PPP2R2A: variants seen among roughly 807,000 people sequenced by gnomAD.
The protein encoded by PPP2R2A is serine/threonine-protein phosphatase 2A 55 kDa regulatory subunit B alpha isoform.
A neutral mutation model predicts 53.2 loss-of-function variants in PPP2R2A; 9 were observed. That is an observed-to-expected ratio of 0.17 (90% confidence interval 0.10 to 0.30). PPP2R2A has a LOEUF of 0.30. Among genes scored for constraint, PPP2R2A ranks in the 10% least tolerant of loss-of-function variants. The pLI is 1.00. For synonymous variants in PPP2R2A, 169 were observed against 174.2 expected, an observed-to-expected ratio of 0.97 and a Z score of 0.23; for missense variants, 235 against 534.6, an observed-to-expected ratio of 0.44 and a Z score of 5.53.
intron 2 of PPP2R2A, among the ~76,000 whole-genome samples, chr8:26,327,716 A>G (rs1420416521): frequency 6.6e-6 from 1 of 152,128 alleles, no homozygotes; most frequent in Non-Finnish European, 1.5e-5. Context: ...TTATCCAGTA[A>G]AATGTTCTCT....
At chr8:26,294,941 A>G (rs1801480064) in intron 2 of PPP2R2A, among the ~76,000 whole-genome samples, 1 of 152,232 alleles carries the variant, frequency 6.6e-6, no homozygotes. Context: ...ACTGATGGTC[A>G]TGCACATAGT....
Position 26,362,950 on chromosome 8 carries a change from C to A in PPP2R2A, c.802+102C>A. ...AATTACAGAGGTTCAAAGTCTTAAA[C>A]CCGTGTGTCCAGAGCCACTTGTACC... On this transcript the variant is annotated intron_variant, in intron 7 of 9. Coordinates refer to ENST00000380737, the MANE Select transcript of PPP2R2A (RefSeq NM_002717.4). This position sits in a 1 kb window ranked among gnomAD's most constrained non-coding sequence, Gnocchi z 4.4. 8.6e-7 allele frequency: 1 copy of A among 1,160,462 alleles called. No homozygotes were observed. The allele number at this position is 1,160,462 out of a possible 1,614,324, so 71.9% of individuals were successfully genotyped here.
intron 3 of PPP2R2A, among the ~76,000 whole-genome samples, chr8:26,349,688 A>G (rs1804395950): frequency 6.6e-6 from 1 of 152,228 alleles, no homozygotes; most frequent in Non-Finnish European, 1.5e-5. Flanking sequence ...GTCAAGAAAT[A>G]GAACTTCCTA....
intron 4 of PPP2R2A, among the ~76,000 whole-genome samples, chr8:26,356,155 A>G (rs1804772556): frequency 6.6e-6 from 1 of 152,206 alleles, no homozygotes; most frequent in South Asian, 2.1e-4. Context: ...TAAAAAGCAA[A>G]TTCTAACACC....
intron 2 of PPP2R2A, among the ~76,000 whole-genome samples, chr8:26,308,591 C>T (rs1802128728): frequency 6.6e-6 from 1 of 152,190 alleles, no homozygotes; most frequent in South Asian, 2.1e-4. Context: ...TCTTTAGGCT[C>T]CACTTCTAAT....
At chr8:26,308,193 G>A (rs1238078092) in intron 2 of PPP2R2A, among the ~76,000 whole-genome samples, 1 of 152,208 alleles carries the variant, frequency 6.6e-6, no homozygotes, top group Non-Finnish European at 1.5e-5. Context: ...TACATTTTTT[G>A]CCAGTAGAGG....
chr8:26,367,573 G>A (rs1805444265), intron 9 of PPP2R2A, among the ~76,000 whole-genome samples: 2 of 152,192 alleles, frequency 1.3e-5, no homozygotes, highest in African/African-American at 4.8e-5. Flanking sequence ...TGTATCACGT[G>A]TTCTATTCTC....
intron 4 of PPP2R2A, among the ~76,000 whole-genome samples, chr8:26,358,381 A>G (rs1804901722): frequency 6.6e-6 from 1 of 152,226 alleles, no homozygotes; most frequent in African/African-American, 2.4e-5. Flanking sequence ...GGCTAGGCTC[A>G]TATCTATCTA....
chr8:26,354,331 A>G lies in PPP2R2A; in HGVS notation c.181-137A>G, dbSNP rs1352123181. On this transcript the variant is annotated intron_variant, in intron 3 of 9. Coordinates refer to ENST00000380737, the MANE Select transcript of PPP2R2A (RefSeq NM_002717.4). The surrounding 1 kb of genome is among the most constrained non-coding windows in gnomAD (Gnocchi z 4.6). The stretch of plus-strand genomic sequence containing the variant: ...ATCCTTGAAGGCCTTTAGAAATATA[A>G]AAAACAGAATGTAATTGTATAAAGA... The G allele has an allele frequency of 3.2e-6, 2 of 625,302 alleles. No individual in the cohort carries two copies. The highest frequency in any genetic ancestry group is 4.7e-6 in the Non-Finnish European group (2 of 421,810). 38.7% of individuals were successfully genotyped at this position (625,302 alleles called of 1,614,324 possible). A position where few individuals can be genotyped will look rare whatever the true frequency, so the allele number is the denominator to read the frequency against.
At chr8:26,308,823 G>C (rs1000803871) in intron 2 of PPP2R2A, among the ~76,000 whole-genome samples, 1 of 151,944 alleles carries the variant, frequency 6.6e-6, no homozygotes, top group Admixed American at 6.6e-5. Flanking sequence ...ATCTTTAAGC[G>C]GAATCACTGT....
intron 8 of PPP2R2A, 41 bp from the exon 9 acceptor site, chr8:26,366,274 T>G: frequency 6.7e-7 from 1 of 1,498,190 alleles, no homozygotes; most frequent in Non-Finnish European, 9.2e-7. Context: ...GTTAAATCAT[T>G]TTCCTAATTT....
At chr8:26,293,308 T>C (rs1304086848) in intron 1 of PPP2R2A, 3 of 1,513,352 alleles carry the variant, frequency 2.0e-6, no homozygotes, top group South Asian at 1.2e-5. Context: ...TTAACTCTTC[T>C]GCAGGCTTTT....
chr8:26,291,540 G>T lies in PPP2R2A; in HGVS notation c.-280G>T, dbSNP rs898615789. Reference sequence around the variant, plus strand: ...CCGGCGCCATTTTGAAAGTGGAGTCGCCTGCCCCTGCCGCTGCCGCCGCCG... The same window carrying T: ...CCGGCGCCATTTTGAAAGTGGAGTCTCCTGCCCCTGCCGCTGCCGCCGCCG... On this transcript the variant is annotated 5_prime_UTR_variant, in exon 1 of 10. Coordinates refer to ENST00000380737, the MANE Select transcript of PPP2R2A (RefSeq NM_002717.4). The T allele has an allele frequency of 9.9e-6, 5 of 504,902 alleles. No homozygotes were observed. Among genetic ancestry groups the T allele is most frequent in the South Asian group, 4.5e-5 (2 of 44,814 alleles). 31.3% of individuals were successfully genotyped at this position (504,902 alleles called of 1,614,324 possible). A position where few individuals can be genotyped will look rare whatever the true frequency, so the allele number is the denominator to read the frequency against.
rs557066060 is a variant in PPP2R2A, at chr8:26,305,825, A to G, written c.82+12085A>G. Among the ~76,000 whole-genome samples, 8 of 152,248 alleles carry G rather than the reference A, an allele frequency of 5.3e-5. No homozygotes were observed. The East Asian group carries it at 9.7e-4, about 18-fold the overall frequency. ...TGATTTTATGCTGCTTGATATTGAG[A>G]TGGGGATGTAGTACAAATATTTACT... On this transcript the variant is annotated intron_variant, in intron 2 of 9. Coordinates refer to ENST00000380737, the MANE Select transcript of PPP2R2A (RefSeq NM_002717.4).
intron 2 of PPP2R2A, among the ~76,000 whole-genome samples, chr8:26,331,024 A>G (rs1231401409): frequency 1.3e-5 from 2 of 152,244 alleles, no homozygotes; most frequent in African/African-American, 2.4e-5. Flanking sequence ...TGGGGACCCT[A>G]ATTTTTCAGA....
In PPP2R2A at chr8:26,370,114, T is replaced by C. The variant is rs908142106; in HGVS notation, c.1065-20T>C. ...TTCTTGTTCTGCTTGTTTGACTGAG[T>C]GTACTGTCTATTTTCACAGTGTTGT... On this transcript the variant is annotated intron_variant, in intron 9 of 9. Coordinates refer to ENST00000380737, the MANE Select transcript of PPP2R2A (RefSeq NM_002717.4). The surrounding 1 kb of genome is among the most constrained non-coding windows in gnomAD (Gnocchi z 6.1). 6.2e-7 allele frequency: 1 copy of C among 1,603,884 alleles called. No homozygotes were observed. The highest frequency in any genetic ancestry group is 8.5e-7 in the Non-Finnish European group (1 of 1,172,122).
At chr8:26,358,988 G>A (rs1318998684) in intron 4 of PPP2R2A, 1 of 454,798 alleles carries the variant, frequency 2.2e-6, no homozygotes, top group South Asian at 1.6e-5. Flanking sequence ...GAGAAGCCTG[G>A]CAAACATTGT....
At chr8:26,316,232 T>C (rs1480943524) in intron 2 of PPP2R2A, among the ~76,000 whole-genome samples, 2 of 152,182 alleles carry the variant, frequency 1.3e-5, no homozygotes, top group African/African-American at 4.8e-5. Flanking sequence ...GTTCTCGAAC[T>C]TGTGAGCTCA....
intron 3 of PPP2R2A, among the ~76,000 whole-genome samples, chr8:26,346,697 A>G (rs1049339989): frequency 6.6e-6 from 1 of 152,210 alleles, no homozygotes; most frequent in Non-Finnish European, 1.5e-5. Flanking sequence ...ATACTTGATC[A>G]GAATAGTTGT....
Sources: allele counts gnomAD v4.1 joint callset (sites outside exome capture counted in the v4.1 genomes callset), GRCh38; gene constraint gnomAD v4.1.1; non-coding constraint Gnocchi (gnomAD v3.1); transcripts MANE v1.5; gene names NCBI Gene and HGNC (gene_info 2026-07-23, HGNC 2026-07-21).